The following NKAIN3 variants were observed in gnomAD, a reference collection of about 807,000 sequenced individuals.
The protein encoded by NKAIN3 is sodium/potassium transporting ATPase interacting 3, also known as sodium/potassium-transporting ATPase subunit beta-1-interacting protein 3.
A neutral mutation model predicts 30.2 loss-of-function variants in NKAIN3; 25 were observed. The ratio of observed to expected loss-of-function variants is 0.83; its 90% confidence interval spans 0.60 to 1.16. NKAIN3 has a LOEUF of 1.16. NKAIN3 is among the 50% of genes most tolerant of loss of function. NKAIN3 has a pLI of 0.00. For synonymous variants in NKAIN3, 91 were observed against 89.6 expected, an observed-to-expected ratio of 1.02 and a Z score of -0.09; for missense variants, 225 against 254.1, an observed-to-expected ratio of 0.89 and a Z score of 0.78.
chr8:62,288,506 C>T (rs1279159140), intron 1 of NKAIN3, among the ~76,000 whole-genome samples: 2 of 152,010 alleles, frequency 1.3e-5, no homozygotes, highest in Non-Finnish European at 2.9e-5. Context: ...GTTTTCTGTC[C>T]TTGTGATAGT....
At chr8:62,274,142 A>G (rs1464033268) in intron 1 of NKAIN3, among the ~76,000 whole-genome samples, 1 of 152,184 alleles carries the variant, frequency 6.6e-6, no homozygotes, top group Non-Finnish European at 1.5e-5. Flanking sequence ...CTTTATCTGC[A>G]TGAGAAATAA....
chr8:62,599,123 C>T (rs1315592009), intron 3 of NKAIN3, among the ~76,000 whole-genome samples: 1 of 152,074 alleles, frequency 6.6e-6, no homozygotes, highest in Non-Finnish European at 1.5e-5. Flanking sequence ...TTCTCATGGG[C>T]ATAAACAATT....
chr8:62,596,960 A>G (rs924012016), intron 3 of NKAIN3, among the ~76,000 whole-genome samples: 5 of 152,216 alleles, frequency 3.3e-5, no homozygotes, highest in Admixed American at 2.0e-4. Flanking sequence ...TCTGACAGCC[A>G]CAAGTCTTCT....
chr8:62,413,782 T>C (rs1453378749), intron 1 of NKAIN3, among the ~76,000 whole-genome samples: 1 of 152,178 alleles, frequency 6.6e-6, no homozygotes, highest in East Asian at 1.9e-4. Flanking sequence ...TACTTTAGCA[T>C]ACTTTAAACC....
chr8:62,293,813 C>G (rs1461349051), intron 1 of NKAIN3, among the ~76,000 whole-genome samples: 1 of 152,106 alleles, frequency 6.6e-6, no homozygotes, highest in African/African-American at 2.4e-5. Context: ...GCCTTTTGTT[C>G]AGCTATGCCC....
intron 1 of NKAIN3, among the ~76,000 whole-genome samples, chr8:62,531,393 A>G (rs931567766): frequency 3.3e-5 from 5 of 152,196 alleles, no homozygotes; most frequent in African/African-American, 1.2e-4. Flanking sequence ...CTAAAACATC[A>G]CATAAATTCT....
intron 1 of NKAIN3, among the ~76,000 whole-genome samples, chr8:62,549,979 C>T (rs891601567): frequency 6.7e-6 from 1 of 148,730 alleles, no homozygotes; most frequent in African/African-American, 2.5e-5. Flanking sequence ...TATGTTTATT[C>T]AAAAAATGGC....
intron 1 of NKAIN3, among the ~76,000 whole-genome samples, chr8:62,567,450 T>C (rs752023812): frequency 4.6e-5 from 7 of 152,148 alleles, no homozygotes; most frequent in Admixed American, 1.3e-4. Context: ...TGTGTTGAAA[T>C]TTTACTTTAC....
intron 1 of NKAIN3, among the ~76,000 whole-genome samples, chr8:62,402,371 C>T (rs932330431): frequency 6.6e-6 from 1 of 152,136 alleles, no homozygotes; most frequent in Non-Finnish European, 1.5e-5. Context: ...AGAGCCAAGA[C>T]CTGGAATTGG....
chr8:62,622,084 A>G (rs1811633843), intron 3 of NKAIN3, among the ~76,000 whole-genome samples: 1 of 152,058 alleles, frequency 6.6e-6, no homozygotes, highest in African/African-American at 2.4e-5. Context: ...CTTCTCATTC[A>G]GGATAACTCT....
intron 1 of NKAIN3, among the ~76,000 whole-genome samples, chr8:62,562,402 TGAA>T (rs1014001875): frequency 2.0e-5 from 3 of 152,264 alleles, no homozygotes; most frequent in Non-Finnish European, 4.4e-5. Flanking sequence ...ATGATAAATG[TGAA>T]GAAGAAAAAA....
At chr8:62,451,193 G>A (rs1426786220) in intron 1 of NKAIN3, among the ~76,000 whole-genome samples, 1 of 152,002 alleles carries the variant, frequency 6.6e-6, no homozygotes, top group Non-Finnish European at 1.5e-5. Flanking sequence ...AAAATCAAGT[G>A]CTCATCATTG....
intron 3 of NKAIN3, among the ~76,000 whole-genome samples, chr8:62,686,541 G>A (rs1034454853): frequency 1.3e-5 from 2 of 152,170 alleles, no homozygotes; most frequent in African/African-American, 4.8e-5. Context: ...GGGGGAAACA[G>A]AAGGGTGTAA....
intron 4 of NKAIN3, among the ~76,000 whole-genome samples, chr8:62,782,786 G>A (rs868381759): frequency 6.7e-6 from 1 of 149,522 alleles, no homozygotes. Context: ...ATAATGGATA[G>A]AGTGGGTGAA....
intron 1 of NKAIN3, among the ~76,000 whole-genome samples, chr8:62,513,252 A>G (rs1256407795): frequency 6.6e-6 from 1 of 151,600 alleles, no homozygotes; most frequent in Non-Finnish European, 1.5e-5. Flanking sequence ...ACACCTTTCT[A>G]GGAAAGAAAA....
At chr8:62,830,537 A>T (rs1819164529) in intron 4 of NKAIN3, among the ~76,000 whole-genome samples, 1 of 152,200 alleles carries the variant, frequency 6.6e-6, no homozygotes, top group Non-Finnish European at 1.5e-5. Context: ...TTCTAAAGCT[A>T]AATTAATTCC....
chr8:62,809,487 A>G (rs57010333), intron 4 of NKAIN3, among the ~76,000 whole-genome samples: 29,449 of 152,128 alleles, frequency 0.19, 3,259 homozygotes, highest in East Asian at 0.29. Context: ...TTCCTCTGCC[A>G]TGGCTTCAGC....
chr8:62,943,627 G>A (rs1412473428), intron 5 of NKAIN3, among the ~76,000 whole-genome samples: 1 of 151,128 alleles, frequency 6.6e-6, no homozygotes, highest in East Asian at 1.9e-4. Flanking sequence ...CAAAAATATG[G>A]AGCCAGCCCA....
At position 62,934,479 on chromosome 8, in the gene NKAIN3, G is replaced by T. The variant is rs554905271; in HGVS notation, c.532+15966G>T. 2.0e-5 allele frequency among the ~76,000 whole-genome samples: 3 copies of T among 152,186 alleles called. No individual in the cohort carries two copies. In the South Asian group the frequency reaches 6.2e-4, roughly 32 times the overall value. ...GTTTTTATCTGTTAGGGGAGGGCTG[G>T]AATGGTGAGAGCTGGTGTGTTACAG... is the stretch of plus-strand genomic sequence containing the variant. On this transcript the variant is annotated intron_variant, in intron 5 of 6. Coordinates refer to ENST00000623646, the MANE Select transcript of NKAIN3 (RefSeq NM_001304533.3).
Sources: allele counts gnomAD v4.1 joint callset (sites outside exome capture counted in the v4.1 genomes callset), GRCh38; gene constraint gnomAD v4.1.1; transcripts MANE v1.5; gene names NCBI Gene and HGNC (gene_info 2026-07-23, HGNC 2026-07-21).